Variants in ABCG2 observed in about 807,000 individuals in gnomAD.
ABCG2 encodes the protein broad substrate specificity ATP-binding cassette transporter ABCG2.
ABCG2 carries 80 observed loss-of-function variants against 73.5 expected under a neutral mutation model. The observed-to-expected ratio is 1.09, with a 90% CI of 0.91 to 1.31. ABCG2 has a LOEUF of 1.31. Among genes scored for constraint, ABCG2 ranks in the 50% most tolerant of loss-of-function variants. The pLI, the probability that ABCG2 is intolerant of heterozygous loss-of-function variation, is 0.00. For missense variants in ABCG2, 796 were observed against 786.2 expected (o/e 1.01, Z -0.15); for synonymous variants, 269 against 282.4 (o/e 0.95, Z 0.48).
At position 88,198,264 on chromosome 4, in the gene ABCG2, CA is replaced by C. The variant is rs201677851; in HGVS notation, c.-20+32729del. 9.7e-3 allele frequency among the ~76,000 whole-genome samples: 1,483 copies of C among 152,146 alleles called. 24 individuals carry two copies. Among genetic ancestry groups the C allele is most frequent in the African/African-American group, 0.034 (1,408 of 41,472 alleles). On this transcript the variant is annotated intron_variant, in intron 1 of 15. Transcript: ENST00000515655. ...AGGAGAATAGCTTGAACCCAGGAGG[CA>C]GAGGTTGCAGTGAGTTGAGATTGTG... is the stretch of plus-strand genomic sequence containing the variant.
intron 1 of ABCG2, among the ~76,000 whole-genome samples, chr4:88,152,587 G>T (rs1010997829): frequency 6.6e-6 from 1 of 152,122 alleles, no homozygotes; most frequent in Non-Finnish European, 1.5e-5. Flanking sequence ...ACAAGGTAAT[G>T]TCATCAGTTA....
intron 1 of ABCG2, among the ~76,000 whole-genome samples, chr4:88,227,465 A>C (rs1730268805): frequency 6.6e-6 from 1 of 152,212 alleles, no homozygotes; most frequent in African/African-American, 2.4e-5. Flanking sequence ...TCGCTAAACC[A>C]TAAATGTATT....
chr4:88,212,042 T>G (rs751890376), intron 1 of ABCG2, among the ~76,000 whole-genome samples: 2 of 152,124 alleles, frequency 1.3e-5, no homozygotes, highest in Non-Finnish European at 2.9e-5. Flanking sequence ...ATGTCCCAAT[T>G]TACACATACC....
In ABCG2 at chr4:88,158,491, C is replaced by T; in HGVS notation, c.-125G>A. ...AGGATGTAAATGTTGGGATGAGTCA[C>T]CCGGACCTTCCAAACAAACTCTAAA... On this transcript the variant is annotated 5_prime_UTR_variant, in exon 1 of 16. It adds an upstream start codon to the 5' untranslated region. Transcript: ENST00000237612. 2.2e-6 allele frequency: 1 copy of T among 456,302 alleles called. No homozygotes were observed. Among genetic ancestry groups the T allele is most frequent in the Non-Finnish European group, 4.4e-6 (1 of 226,900 alleles). 28.3% of individuals were successfully genotyped at this position (456,302 alleles called of 1,614,324 possible).
chr4:88,175,612 G>C (rs1727931778), intron 1 of ABCG2, among the ~76,000 whole-genome samples: 1 of 152,128 alleles, frequency 6.6e-6, no homozygotes, highest in African/African-American at 2.4e-5. Context: ...AATCTTCATA[G>C]ACTCATGGAT....
upstream of ABCG2, among the ~76,000 whole-genome samples, chr4:88,162,653 AATGAGTC>A (rs1346385548): frequency 6.6e-6 from 1 of 152,212 alleles, no homozygotes; most frequent in African/African-American, 2.4e-5. Flanking sequence ...ACTGTATAGA[AATGAGTC>A]ATTTTAACTT....
At chr4:88,191,659 A>G (rs922621088) in intron 1 of ABCG2, among the ~76,000 whole-genome samples, 2 of 152,206 alleles carry the variant, frequency 1.3e-5, no homozygotes, top group Non-Finnish European at 2.9e-5. Flanking sequence ...CTGTAAGCAA[A>G]TGTTTTACAG....
intron 1 of ABCG2, among the ~76,000 whole-genome samples, chr4:88,141,436 T>C (rs570747281): frequency 6.6e-6 from 1 of 152,306 alleles, no homozygotes; most frequent in African/African-American, 2.4e-5. Flanking sequence ...CTCTACTATT[T>C]CTGAGCAGAT....
At chr4:88,107,406 G>A (rs1458944314) in intron 9 of ABCG2, 140 bp from the exon 10 acceptor site, 3 of 563,116 alleles carry the variant, frequency 5.3e-6, no homozygotes, top group African/African-American at 1.9e-5. Flanking sequence ...CTTGGCCAAC[G>A]TCCCTGGGAG....
In ABCG2 at chr4:88,196,880, A is replaced by G. The variant is rs563805554; in HGVS notation, c.-20+34114T>C. 2.0e-5 allele frequency among the ~76,000 whole-genome samples: 3 copies of G among 152,142 alleles called. No homozygotes were observed. In the South Asian group the frequency reaches 6.2e-4, roughly 32 times the overall value. ...AGAACATTCTGTTCTCCTTAACAAGACCTGCCTTTAAGATAAACTATCTTA... is the reference window on the plus strand; with the variant it reads ...AGAACATTCTGTTCTCCTTAACAAGGCCTGCCTTTAAGATAAACTATCTTA... On this transcript the variant is annotated intron_variant, in intron 1 of 15. Transcript: ENST00000515655.
intron 9 of ABCG2, among the ~76,000 whole-genome samples, chr4:88,111,929 A>C (rs756189003): frequency 1.3e-5 from 2 of 152,056 alleles, no homozygotes; most frequent in Non-Finnish European, 2.9e-5. Context: ...TCTACAAAAA[A>C]TTAAAAAATC....
At chr4:88,107,315 A>AT in intron 9 of ABCG2, 49 bp from the exon 10 acceptor site, 1 of 1,275,798 alleles carries the variant, frequency 7.8e-7, no homozygotes, top group Non-Finnish European at 1.1e-6. Context: ...TCAATTAGAG[A>AT]TAAAAACTTA....
chr4:88,164,138 C>T (rs749891729), upstream of ABCG2, among the ~76,000 whole-genome samples: 3 of 151,806 alleles, frequency 2.0e-5, no homozygotes, highest in African/African-American at 4.8e-5. Context: ...GTGATCTCAG[C>T]TCACTGCAAC....
At chr4:88,189,202 T>G (rs1728585434) in intron 1 of ABCG2, among the ~76,000 whole-genome samples, 1 of 152,178 alleles carries the variant, frequency 6.6e-6, no homozygotes, top group African/African-American at 2.4e-5. Context: ...TGACTTGAGT[T>G]GTTCTCTTAG....
intron 9 of ABCG2, among the ~76,000 whole-genome samples, chr4:88,109,635 C>G (rs1470669739): frequency 1.3e-5 from 2 of 152,180 alleles, no homozygotes; most frequent in African/African-American, 4.8e-5. Flanking sequence ...ATGCAATCTT[C>G]TCATACAGAT....
chr4:88,100,152 C>G (rs1323991978), intron 11 of ABCG2, among the ~76,000 whole-genome samples: 2 of 150,596 alleles, frequency 1.3e-5, no homozygotes, highest in Non-Finnish European at 2.9e-5. Context: ...AAATACCCAG[C>G]CTGGGAAACA....
At chr4:88,120,867 G>A (rs1047221140) in intron 6 of ABCG2, among the ~76,000 whole-genome samples, 2 of 152,238 alleles carry the variant, frequency 1.3e-5, no homozygotes, top group South Asian at 2.1e-4. Flanking sequence ...TGAGATTTGG[G>A]AGGGAGGGGC....
chr4:88,111,166 T>C (rs1723106229), intron 9 of ABCG2, among the ~76,000 whole-genome samples: 1 of 152,228 alleles, frequency 6.6e-6, no homozygotes, highest in Non-Finnish European at 1.5e-5. Context: ...TTATAAACCA[T>C]TTTTTGAAGC....
At chr4:88,213,984 T>A (rs76775328) in intron 1 of ABCG2, among the ~76,000 whole-genome samples, 10 of 10,206 alleles carry the variant, frequency 9.8e-4, no homozygotes, top group Non-Finnish European at 1.9e-3. Context: ...CGCCCGGCCT[T>A]TTTTTTTTTT....
Sources: gnomAD v4.1 joint callset for allele counts (sites outside exome capture counted in the v4.1 genomes callset) on GRCh38, gnomAD v4.1.1 for gene constraint, MANE v1.5 for transcripts, NCBI Gene and HGNC (gene_info 2026-07-23, HGNC 2026-07-21) for gene names.